PTPRD: variants seen among roughly 807,000 people sequenced by gnomAD.
PTPRD encodes the protein protein tyrosine phosphatase receptor type D, also known as receptor-type tyrosine-protein phosphatase delta.
In PTPRD, 34 loss-of-function variants were observed where a neutral mutation model predicts 214.5. The ratio of observed to expected loss-of-function variants is 0.16; its 90% confidence interval spans 0.12 to 0.21. PTPRD has a LOEUF of 0.21. Ranked by LOEUF, PTPRD falls within the 10% of genes least tolerant of loss-of-function variation. PTPRD has a pLI of 1.00. For missense variants in PTPRD, 2,545 were observed against 2,398.7 expected (o/e 1.06, Z -1.27); for synonymous variants, 1,128 against 845.7 (o/e 1.33, Z -5.79).
At chr9:10,225,274 C>G (rs977631663) in intron 3 of PTPRD, among the ~76,000 whole-genome samples, 6 of 151,834 alleles carry the variant, frequency 4.0e-5, no homozygotes, top group Admixed American at 3.9e-4. Flanking sequence ...ACTATAATCA[C>G]AAATGTTAAG....
chr9:9,385,361 T>G (rs2063557916), intron 9 of PTPRD, among the ~76,000 whole-genome samples: 1 of 151,894 alleles, frequency 6.6e-6, no homozygotes, highest in Non-Finnish European at 1.5e-5. Context: ...TCCCAGAGAG[T>G]AAAATAAACA....
rs1393180383 is a variant in PTPRD at position 8,317,804 on chromosome 9, G to T, written c.*70C>A. 3 of 1,429,226 alleles carry T rather than the reference G, an allele frequency of 2.1e-6. No individual in the cohort carries two copies. In the African/African-American group the frequency reaches 4.2e-5, roughly 20 times the overall value. 88.5% of individuals were successfully genotyped at this position (1,429,226 alleles called of 1,614,324 possible). ...TTAAGAAGGACTTCTCAAGTGCCCTGTATGGCTCAGAAGAGACTCCATGGA... is the reference window on the plus strand; with the variant it reads ...TTAAGAAGGACTTCTCAAGTGCCCTTTATGGCTCAGAAGAGACTCCATGGA... On this transcript the variant is annotated 3_prime_UTR_variant, in exon 46 of 46. Coordinates refer to ENST00000381196, the MANE Select transcript of PTPRD (RefSeq NM_002839.4).
At chr9:9,338,581 C>A (rs1391158898) in intron 9 of PTPRD, among the ~76,000 whole-genome samples, 1 of 152,046 alleles carries the variant, frequency 6.6e-6, no homozygotes, top group Admixed American at 6.6e-5. Flanking sequence ...AAATTCCCAG[C>A]TAAACTATTG....
rs1196420595 is a variant in PTPRD at position 8,919,379 on chromosome 9, G to C, written c.-104+99318C>G. 3.3e-5 allele frequency among the ~76,000 whole-genome samples: 4 copies of C among 122,836 alleles called. No individual in the cohort carries two copies. In the East Asian group the frequency reaches 1.0e-3, roughly 31 times the overall value. The allele number at this position is 122,836 out of a possible 152,430, so 80.6% of individuals were successfully genotyped here. ...TGGATTCCAGCCTGTGGGACAGAGT[G>C]AGACCCTGTCTCAAAAAAAAAAAAA... is the stretch of plus-strand genomic sequence containing the variant. On this transcript the variant is annotated intron_variant, in intron 11 of 45. Transcript: ENST00000381196.
intron 5 of PTPRD, among the ~76,000 whole-genome samples, chr9:9,796,591 G>A (rs762230144): frequency 3.3e-5 from 5 of 152,116 alleles, no homozygotes; most frequent in Non-Finnish European, 7.4e-5. Context: ...CCTGTAGCCT[G>A]ATAAATGTGT....
intron 39 of PTPRD, among the ~76,000 whole-genome samples, chr9:8,345,260 A>T (rs1212497385): frequency 6.6e-6 from 1 of 152,022 alleles, no homozygotes; most frequent in Admixed American, 6.6e-5. Context: ...CCCTTCTCTG[A>T]CAACACTTGG....
chr9:8,984,502 A>G (rs1197274316), intron 11 of PTPRD, among the ~76,000 whole-genome samples: 1 of 152,128 alleles, frequency 6.6e-6, no homozygotes, highest in Middle Eastern at 3.2e-3. Context: ...ATTGAAACCT[A>G]AATTATGAGC....
chr9:9,067,868 C>T (rs1413916623), intron 10 of PTPRD, among the ~76,000 whole-genome samples: 1 of 151,966 alleles, frequency 6.6e-6, no homozygotes, highest in Non-Finnish European at 1.5e-5. Flanking sequence ...TAGTTCTATG[C>T]AATTTTATCA....
chr9:8,800,397 G>A (rs1025439359), intron 11 of PTPRD, among the ~76,000 whole-genome samples: 7 of 152,172 alleles, frequency 4.6e-5, no homozygotes, highest in Non-Finnish European at 8.8e-5. Context: ...TCTAAGTCAC[G>A]GGATGAGATA....
intron 9 of PTPRD, among the ~76,000 whole-genome samples, chr9:9,216,293 A>G (rs1437254282): frequency 6.6e-6 from 1 of 152,212 alleles, no homozygotes; most frequent in Non-Finnish European, 1.5e-5. Context: ...TGCCAATGCT[A>G]GATAGTCACC....
At chr9:9,273,544 A>T (rs951770879) in intron 9 of PTPRD, among the ~76,000 whole-genome samples, 1 of 151,282 alleles carries the variant, frequency 6.6e-6, no homozygotes, top group African/African-American at 2.4e-5. Flanking sequence ...TTCTAATGGA[A>T]TTTTCTTTAA....
Position 8,435,501 on chromosome 9 carries a change from T to C in PTPRD, c.4086+1091A>G, listed in dbSNP as rs528289818. Among the ~76,000 whole-genome samples the C allele has an allele frequency of 9.8e-5, 15 of 152,304 alleles. No homozygotes were observed. The South Asian group carries it at 3.1e-3, about 32-fold the overall frequency. ...AAATTTGGGCTGCCCAGGTACCCAA[T>C]AACCTTTTATTATTTGGTATATCTA... is the stretch of plus-strand genomic sequence containing the variant. On this transcript the variant is annotated intron_variant, in intron 35 of 45. Transcript: ENST00000381196.
intron 3 of PTPRD, among the ~76,000 whole-genome samples, chr9:10,178,378 A>C (rs2099261852): frequency 6.6e-6 from 1 of 151,964 alleles, no homozygotes; most frequent in Non-Finnish European, 1.5e-5. Flanking sequence ...CATGAAAAAA[A>C]CACAAAGCTT....
intron 11 of PTPRD, among the ~76,000 whole-genome samples, chr9:8,770,836 A>G (rs1362490352): frequency 6.6e-6 from 1 of 152,184 alleles, no homozygotes; most frequent in African/African-American, 2.4e-5. Context: ...TTAAGATGTA[A>G]TCAGCATTCA....
chr9:10,416,651 T>A (rs759700942), intron 2 of PTPRD, among the ~76,000 whole-genome samples: 2 of 151,706 alleles, frequency 1.3e-5, no homozygotes, highest in Non-Finnish European at 2.9e-5. Flanking sequence ...CAAAGGTGAG[T>A]TTTTTTCTTA....
At chr9:9,944,360 T>G (rs1351716628) in intron 4 of PTPRD, among the ~76,000 whole-genome samples, 1 of 152,112 alleles carries the variant, frequency 6.6e-6, no homozygotes, top group Non-Finnish European at 1.5e-5. Flanking sequence ...TCCATAAACA[T>G]TTTTTGAGTA....
intron 14 of PTPRD, among the ~76,000 whole-genome samples, chr9:8,587,538 A>G (rs1268156049): frequency 4.6e-5 from 7 of 152,236 alleles, no homozygotes; most frequent in African/African-American, 1.7e-4. Flanking sequence ...AATGAGTAAA[A>G]TATAACCTTC....
intron 43 of PTPRD, among the ~76,000 whole-genome samples, chr9:8,332,388 A>G (rs759398559): frequency 3.3e-5 from 5 of 152,154 alleles, no homozygotes; most frequent in Non-Finnish European, 7.3e-5. Context: ...AGCATGAACC[A>G]TATGACTGTG....
chr9:9,144,507 G>A (rs960689863), intron 10 of PTPRD, among the ~76,000 whole-genome samples: 16 of 152,164 alleles, frequency 1.1e-4, no homozygotes, highest in African/African-American at 2.9e-4. Context: ...TAATCCTAGT[G>A]CTTTGGGAGG....
Sources: gnomAD v4.1 joint callset for allele counts (sites outside exome capture counted in the v4.1 genomes callset) on GRCh38, gnomAD v4.1.1 for gene constraint, MANE v1.5 for transcripts, NCBI Gene and HGNC (gene_info 2026-07-23, HGNC 2026-07-21) for gene names.